Variants in NCOA3 observed in about 807,000 individuals in gnomAD.
NCOA3 encodes CBP-interacting protein.
In NCOA3, 51 loss-of-function variants were observed where a neutral mutation model predicts 158.8. That is an observed-to-expected ratio of 0.32 (90% CI 0.26 to 0.41). The LOEUF is 0.41. Among genes scored for constraint, NCOA3 ranks in the 10% least tolerant of loss-of-function variants. The probability of loss-of-function intolerance (pLI) is 1.00; values close to 1 mark genes in which losing one functional copy is unlikely to be tolerated. For missense variants in NCOA3, 1,510 were observed against 1,746.6 expected, an observed-to-expected ratio of 0.86 and a Z score of 2.41; for synonymous variants, 537 against 592.4, an observed-to-expected ratio of 0.91 and a Z score of 1.36.
chr20:47,511,550 T>TATATATATATATATACATACACAC, intron 1 of NCOA3, among the ~76,000 whole-genome samples: 1 of 52,270 alleles, frequency 1.9e-5, no homozygotes, highest in Non-Finnish European at 4.0e-5. Context: ...TATATATATA[T>TATATATATATATATACATACACAC]ATATATTTCT....
intron 2 of NCOA3, among the ~76,000 whole-genome samples, chr20:47,586,915 C>A (rs1434077027): frequency 6.6e-6 from 1 of 152,192 alleles, no homozygotes; most frequent in Non-Finnish European, 1.5e-5. Flanking sequence ...ATTTTGATCC[C>A]TTGGCCAAGG....
At chr20:47,602,183 A>T (rs1224210459) in intron 2 of NCOA3, among the ~76,000 whole-genome samples, 1 of 152,230 alleles carries the variant, frequency 6.6e-6, no homozygotes, top group East Asian at 1.9e-4. Context: ...CACATTCCAG[A>T]TAGCCCTTTT....
At chr20:47,569,601 TGAACTC>T (rs1296084671) in intron 1 of NCOA3, among the ~76,000 whole-genome samples, 10 of 151,410 alleles carry the variant, frequency 6.6e-5, no homozygotes, top group Non-Finnish European at 7.4e-5. Flanking sequence ...AAGAATTGCT[TGAACTC>T]GGGAGGCGGA....
At chr20:47,647,843 ATTGT>A (rs771165515) in intron 18 of NCOA3, among the ~76,000 whole-genome samples, 7 of 147,206 alleles carry the variant, frequency 4.8e-5, no homozygotes, top group Non-Finnish European at 7.5e-5. Context: ...AATTGTTTTT[ATTGT>A]TTATGTCTTC....
At chr20:47,522,675 T>C (rs2084362399) in intron 1 of NCOA3, among the ~76,000 whole-genome samples, 1 of 151,734 alleles carries the variant, frequency 6.6e-6, no homozygotes, top group Non-Finnish European at 1.5e-5. Context: ...CCCTGGCCTT[T>C]TAATATGCAA....
chr20:47,517,291 A>G (rs1224286592), intron 1 of NCOA3, among the ~76,000 whole-genome samples: 1 of 152,192 alleles, frequency 6.6e-6, no homozygotes, highest in Non-Finnish European at 1.5e-5. Flanking sequence ...GAGAAAGAGA[A>G]GAAACTGAAG....
chr20:47,587,751 G>A (rs778701188), intron 2 of NCOA3, among the ~76,000 whole-genome samples: 1 of 151,922 alleles, frequency 6.6e-6, no homozygotes, highest in African/African-American at 2.4e-5. Flanking sequence ...CAGAATCCAC[G>A]ATACAGAGGG....
At chr20:47,561,524 G>A (rs985370844) in intron 1 of NCOA3, among the ~76,000 whole-genome samples, 1 of 149,098 alleles carries the variant, frequency 6.7e-6, no homozygotes, top group Non-Finnish European at 1.5e-5. Context: ...TTGCTATGTT[G>A]CCTGGGCTTT....
At chr20:47,595,780 T>G (rs2085744771) in intron 2 of NCOA3, among the ~76,000 whole-genome samples, 1 of 152,138 alleles carries the variant, frequency 6.6e-6, no homozygotes, top group Non-Finnish European at 1.5e-5. Flanking sequence ...TGTATGACTT[T>G]GGGTTGAGTT....
chr20:47,578,172 C>A (rs1258398090), intron 1 of NCOA3, among the ~76,000 whole-genome samples: 3 of 151,938 alleles, frequency 2.0e-5, no homozygotes, highest in Admixed American at 2.0e-4. Context: ...AAAGTGGTAC[C>A]ATTTTATATA....
chr20:47,641,477 G>A (rs1017369326), intron 16 of NCOA3, among the ~76,000 whole-genome samples: 4 of 136,622 alleles, frequency 2.9e-5, no homozygotes, highest in African/African-American at 8.4e-5. Flanking sequence ...CAGCCACCAC[G>A]CCTGGCTCCC....
chr20:47,627,279 G>T, intron 6 of NCOA3, 103 bp downstream of exon 6: 8 of 955,134 alleles, frequency 8.4e-6, no homozygotes, highest in Non-Finnish European at 1.2e-5. Context: ...ATCAAATGAG[G>T]GTAGAAAGGC....
intron 2 of NCOA3, among the ~76,000 whole-genome samples, chr20:47,587,547 A>G (rs1300628731): frequency 1.3e-5 from 2 of 152,366 alleles, no homozygotes; most frequent in East Asian, 1.9e-4. Flanking sequence ...TTTAAACTAT[A>G]AAGTAGCAAT....
At chr20:47,590,466 C>T (rs1432878633) in intron 2 of NCOA3, among the ~76,000 whole-genome samples, 1 of 152,082 alleles carries the variant, frequency 6.6e-6, no homozygotes, top group Admixed American at 6.5e-5. Flanking sequence ...TACAGGCATG[C>T]GCCACCGCTC....
rs144076337 is a variant in NCOA3 at position 47,611,520 on chromosome 20, C to T, written c.-19-10709C>T. On this transcript the variant is annotated intron_variant, in intron 2 of 22. Coordinates refer to ENST00000371998, the MANE Select transcript of NCOA3 (RefSeq NM_181659.3). ...GGGGTTTAAAAAATCTCCTCCTCGG[C>T]CGGGCTCATGCCTGTAATCCCAGGA... Among the ~76,000 whole-genome samples the T allele has an allele frequency of 1.1e-4, 16 of 152,238 alleles. No individual in the cohort carries two copies. In the East Asian group the frequency reaches 2.9e-3, roughly 28 times the overall value.
chr20:47,587,085 A>C (rs1367519626), intron 2 of NCOA3, among the ~76,000 whole-genome samples: 1 of 152,168 alleles, frequency 6.6e-6, no homozygotes, highest in African/African-American at 2.4e-5. Flanking sequence ...TATTGTGATG[A>C]TTGCAAAATG....
intron 1 of NCOA3, among the ~76,000 whole-genome samples, chr20:47,505,003 GTTTTT>G (rs1166777115): frequency 1.8e-3 from 52 of 28,540 alleles, no homozygotes; most frequent in East Asian, 0.011. Flanking sequence ...TGGGTTTTTG[GTTTTT>G]TTTTTTTTTT....
At chr20:47,543,188 G>T (rs925443466) in intron 1 of NCOA3, among the ~76,000 whole-genome samples, 4 of 152,144 alleles carry the variant, frequency 2.6e-5, no homozygotes, top group African/African-American at 9.7e-5. Context: ...GTGTCCTAAA[G>T]CTACTGCCAG....
chr20:47,501,892 C>T lies in NCOA3; in HGVS notation c.-226C>T, dbSNP rs1335520341. 1.0e-5 allele frequency: 4 copies of T among 399,190 alleles called. No homozygotes were observed. In the East Asian group the frequency reaches 1.4e-4, roughly 14 times the overall value. The allele number at this position is 399,190 out of a possible 1,614,324, so 24.7% of individuals were successfully genotyped here. A position where few individuals can be genotyped will look rare whatever the true frequency, so the allele number is the denominator to read the frequency against. ...GGCCCCCGTGCGGCGACTTTAGCTG[C>T]TGCTGTCTCAGCCGCTCCACAGCGA... On this transcript the variant is annotated 5_prime_UTR_variant, in exon 1 of 23. Coordinates refer to ENST00000371998, the MANE Select transcript of NCOA3 (RefSeq NM_181659.3).
Sources: gnomAD v4.1 joint callset for allele counts (sites outside exome capture counted in the v4.1 genomes callset) on GRCh38, gnomAD v4.1.1 for gene constraint, MANE v1.5 for transcripts, NCBI Gene and HGNC (gene_info 2026-07-23, HGNC 2026-07-21) for gene names.